PTPRT: variants seen among roughly 807,000 people sequenced by gnomAD.
PTPRT encodes receptor-type tyrosine-protein phosphatase T.
In PTPRT, 56 loss-of-function variants were observed where a neutral mutation model predicts 176.8. That is an observed-to-expected ratio of 0.32 (90% CI 0.26 to 0.40). The LOEUF (loss-of-function observed/expected upper bound fraction) is 0.40, where lower values mean the gene tolerates loss of function less well. PTPRT is among the 10% of genes least tolerant of loss of function. PTPRT has a pLI of 1.00. For synonymous variants in PTPRT, 783 were observed against 739.0 expected (o/e 1.06, Z -0.96); for missense variants, 1,540 against 1,908.2 (o/e 0.81, Z 3.60).
At chr20:42,126,604 G>T (rs1163467270) in intron 19 of PTPRT, among the ~76,000 whole-genome samples, 1 of 152,132 alleles carries the variant, frequency 6.6e-6, no homozygotes, top group African/African-American at 2.4e-5. Flanking sequence ...GCCTTCACTG[G>T]CTACTTCCCT....
At chr20:42,496,276 C>T (rs1426983656) in intron 7 of PTPRT, among the ~76,000 whole-genome samples, 1 of 152,078 alleles carries the variant, frequency 6.6e-6, no homozygotes, top group African/African-American at 2.4e-5. Flanking sequence ...CCCCATGTAA[C>T]TTCACAAAAA....
chr20:42,533,331 G>C (rs577041487), intron 7 of PTPRT, among the ~76,000 whole-genome samples: 1 of 152,164 alleles, frequency 6.6e-6, no homozygotes, highest in Non-Finnish European at 1.5e-5. Flanking sequence ...GTGTGCCGCC[G>C]GGTCTCAACT....
chr20:42,272,406 G>T (rs1306537615), intron 13 of PTPRT, among the ~76,000 whole-genome samples: 1 of 147,998 alleles, frequency 6.8e-6, no homozygotes, highest in Non-Finnish European at 1.5e-5. Flanking sequence ...ATTTTTTAGG[G>T]TTTTTTTTTT....
chr20:42,256,449 G>T (rs1410688919), intron 13 of PTPRT, among the ~76,000 whole-genome samples: 1 of 151,912 alleles, frequency 6.6e-6, no homozygotes, highest in East Asian at 1.9e-4. Context: ...CAAACAGGAG[G>T]GGTGCGAGAA....
chr20:42,361,146 C>T (rs2058426406), intron 9 of PTPRT, among the ~76,000 whole-genome samples: 1 of 152,078 alleles, frequency 6.6e-6, no homozygotes. Context: ...GAACACGAGG[C>T]TTTGTAGAGG....
chr20:42,690,779 A>G (rs1665241211), intron 6 of PTPRT, among the ~76,000 whole-genome samples: 1 of 152,240 alleles, frequency 6.6e-6, no homozygotes, highest in South Asian at 2.1e-4. Flanking sequence ...AATCTCTATT[A>G]TTTAATGGTG....
intron 6 of PTPRT, among the ~76,000 whole-genome samples, chr20:42,715,320 A>T (rs572697201): frequency 4.6e-5 from 7 of 152,338 alleles, no homozygotes; most frequent in Non-Finnish European, 7.3e-5. Flanking sequence ...AAGGAGTAAA[A>T]TGAACAGATC....
chr20:43,105,694 C>T (rs1293899073), intron 1 of PTPRT, among the ~76,000 whole-genome samples: 3 of 152,236 alleles, frequency 2.0e-5, no homozygotes, highest in African/African-American at 7.2e-5. Context: ...GCCACCGCAC[C>T]CAGCCTTCTC....
At chr20:42,719,737 TGAGA>T (rs1270346906) in intron 6 of PTPRT, among the ~76,000 whole-genome samples, 1 of 152,088 alleles carries the variant, frequency 6.6e-6, no homozygotes, top group African/African-American at 2.4e-5. Flanking sequence ...TTTCTCAGGA[TGAGA>T]GAGATAGGGA....
chr20:42,531,191 T>C (rs1455209740), intron 7 of PTPRT, among the ~76,000 whole-genome samples: 6 of 152,202 alleles, frequency 3.9e-5, no homozygotes, highest in Admixed American at 2.6e-4. Flanking sequence ...CTCTTTTTTA[T>C]TATGGGCTGT....
At chr20:42,364,210 G>C (rs192902386) in intron 9 of PTPRT, among the ~76,000 whole-genome samples, 35 of 152,164 alleles carry the variant, frequency 2.3e-4, no homozygotes, top group Admixed American at 2.3e-3. Context: ...CCCTTCTAAG[G>C]AGAAATCCAT....
At chr20:42,312,386 T>C (rs570213372) in intron 12 of PTPRT, among the ~76,000 whole-genome samples, 2 of 152,336 alleles carry the variant, frequency 1.3e-5, no homozygotes, top group East Asian at 3.9e-4. Flanking sequence ...TGCTGCCCTT[T>C]ATGATATGGA....
At chr20:42,239,201 T>C (rs1175507878) in intron 14 of PTPRT, among the ~76,000 whole-genome samples, 1 of 152,092 alleles carries the variant, frequency 6.6e-6, no homozygotes, top group Non-Finnish European at 1.5e-5. Flanking sequence ...AACAAATACT[T>C]ATTCAGCACT....
At chr20:42,873,449 G>C (rs2078878375) in intron 2 of PTPRT, among the ~76,000 whole-genome samples, 1 of 152,108 alleles carries the variant, frequency 6.6e-6, no homozygotes, top group South Asian at 2.1e-4. Context: ...TATCCCTGTT[G>C]GTGGGAATAC....
intron 13 of PTPRT, among the ~76,000 whole-genome samples, chr20:42,281,050 TGA>T (rs1371589966): frequency 2.0e-5 from 3 of 152,092 alleles, no homozygotes; most frequent in Non-Finnish European, 4.4e-5. Context: ...GCTTTCTCTG[TGA>T]GTTTCCTTCC....
chr20:42,636,545 G>A (rs1040578802), intron 7 of PTPRT, among the ~76,000 whole-genome samples: 2 of 152,030 alleles, frequency 1.3e-5, no homozygotes, highest in African/African-American at 4.8e-5. Flanking sequence ...CAACACTTTG[G>A]AGGCTGAGGT....
intron 27 of PTPRT, among the ~76,000 whole-genome samples, chr20:42,089,949 AC>A (rs1281989414): frequency 6.6e-6 from 1 of 152,118 alleles, no homozygotes; most frequent in Non-Finnish European, 1.5e-5. Context: ...CTGTAGCTGC[AC>A]CTGAATGGAT....
intron 7 of PTPRT, among the ~76,000 whole-genome samples, chr20:42,586,121 C>T (rs1406342328): frequency 6.6e-6 from 1 of 152,050 alleles, no homozygotes; most frequent in Non-Finnish European, 1.5e-5. Flanking sequence ...ACCAGCGATT[C>T]CCTACAAATC....
intron 1 of PTPRT, among the ~76,000 whole-genome samples, chr20:43,112,160 G>T (rs1404907164): frequency 6.6e-6 from 1 of 152,340 alleles, no homozygotes; most frequent in Admixed American, 6.5e-5. Flanking sequence ...CCGAGGAACA[G>T]TGCATTCTAT....
Sources: gnomAD v4.1 joint callset for allele counts (sites outside exome capture counted in the v4.1 genomes callset) on GRCh38, gnomAD v4.1.1 for gene constraint, MANE v1.5 for transcripts, NCBI Gene and HGNC (gene_info 2026-07-23, HGNC 2026-07-21) for gene names.